ARV1: variants seen among roughly 807,000 people sequenced by gnomAD.
ARV1 encodes the protein protein ARV1.
In ARV1, 26 loss-of-function variants were observed where a neutral mutation model predicts 31.1. The observed-to-expected ratio is 0.84, with a 90% CI of 0.61 to 1.16. ARV1 has a LOEUF of 1.16. Ranked by LOEUF, ARV1 falls within the 50% of genes most tolerant of loss-of-function variation. ARV1 has a pLI of 0.00. For missense variants in ARV1, 281 were observed against 324.9 expected (o/e 0.86, Z 1.04); for synonymous variants, 117 against 123.2 (o/e 0.95, Z 0.34).
At chr1:230,987,605 G>A (rs1572338032) in intron 1 of ARV1, among the ~76,000 whole-genome samples, 2 of 152,214 alleles carry the variant, frequency 1.3e-5, no homozygotes, top group East Asian at 3.8e-4. Flanking sequence ...AGAGCCAAGG[G>A]AGCCTTGATT....
At chr1:230,990,613 G>A in intron 3 of ARV1, 1 of 329,724 alleles carries the variant, frequency 3.0e-6, no homozygotes, top group South Asian at 2.5e-5. Context: ...GGAGTGCAGT[G>A]GCACAGTCAC....
chr1:230,990,226 A>G lies in ARV1; in HGVS notation c.411A>G (p.Glu137=), dbSNP rs1273931104. ...ATGACTTGATCAGATATGCTAAGGA[A>G]TGGGATTTCTATAGAATGTTTGCGA... ...APDDLIRYAK[E]WDFYRMFAIA... Residue 137 remains glutamate, a synonymous_variant, in exon 3 of 6, where the codon GAA becomes GAG. Transcript: ENST00000310256. The G allele has an allele frequency of 6.2e-7, 1 of 1,613,022 alleles. No homozygotes were observed. The highest frequency in any genetic ancestry group is 1.1e-5 in the South Asian group (1 of 90,760).
At chr1:230,992,961 G>C (rs1360492532) in intron 3 of ARV1, among the ~76,000 whole-genome samples, 2 of 152,154 alleles carry the variant, frequency 1.3e-5, no homozygotes, top group Non-Finnish European at 2.9e-5. Context: ...ATATACAAAA[G>C]AATATGTTAA....
chr1:230,986,419 A>C (rs1455526336), intron 1 of ARV1, among the ~76,000 whole-genome samples: 1 of 152,082 alleles, frequency 6.6e-6, no homozygotes, highest in Admixed American at 6.5e-5. Context: ...TTCTTCCAGC[A>C]CTTTAATGTA....
At chr1:230,986,865 A>G (rs1679097049) in intron 1 of ARV1, among the ~76,000 whole-genome samples, 1 of 151,920 alleles carries the variant, frequency 6.6e-6, no homozygotes, top group Admixed American at 6.6e-5. Flanking sequence ...CACTTCTCAC[A>G]TACTGTGGCC....
At chr1:230,984,749 G>T (rs565647343) in intron 1 of ARV1, among the ~76,000 whole-genome samples, 1 of 152,320 alleles carries the variant, frequency 6.6e-6, no homozygotes, top group South Asian at 2.1e-4. Flanking sequence ...CAACTTAAAA[G>T]ACAAATGGTT....
chr1:230,998,717 G>A (rs1245447607), intron 5 of ARV1, among the ~76,000 whole-genome samples: 3 of 151,322 alleles, frequency 2.0e-5, no homozygotes, highest in Non-Finnish European at 4.4e-5. Flanking sequence ...ACCAGCCTGG[G>A]CAACATAGTG....
chr1:230,990,059 G>C, intron 2 of ARV1, 51 bp from the exon 3 acceptor site: 3 of 1,543,622 alleles, frequency 1.9e-6, no homozygotes, highest in Non-Finnish European at 2.6e-6. Context: ...GTTGATACTA[G>C]TGCAACTGGG....
At position 230,991,303 on chromosome 1, in the gene ARV1, T is replaced by C. The variant is rs537061931; in HGVS notation, c.448+1040T>C. On this transcript the variant is annotated intron_variant, in intron 3 of 5. Coordinates refer to ENST00000310256, the MANE Select transcript of ARV1 (RefSeq NM_022786.3). The stretch of plus-strand genomic sequence containing the variant: ...TGTGTGTCTTCTTTTGTCCTCTTTT[T>C]TTCTCTGTCTGCTCTCGCTCTCTTG... Among the ~76,000 whole-genome samples the C allele has an allele frequency of 2.0e-5, 3 of 152,318 alleles. No homozygotes were observed. The East Asian group carries it at 5.8e-4, about 29-fold the overall frequency.
Position 230,984,361 on chromosome 1 carries a change from T to TGTGTGTGTGC in ARV1, c.175-3958_175-3957insTGTGTGTGCG, listed in dbSNP as rs10628275. Among the ~76,000 whole-genome samples, 257 of 103,390 alleles carry TGTGTGTGTGC rather than the reference T, an allele frequency of 2.5e-3. 2 individuals are homozygous for TGTGTGTGTGC. Among genetic ancestry groups the TGTGTGTGTGC allele is most frequent in the South Asian group, 0.013 (41 of 3,226 alleles). The allele number at this position is 103,390 out of a possible 152,430, so 67.8% of individuals were successfully genotyped here. ...TTTGTTTCGTGTGTGTGTGTGTGTG[T>TGTGTGTGTGC]GCGTGTGTGTGTGTGTGTGTGTGTG... On this transcript the variant is annotated intron_variant, in intron 1 of 5. Transcript: ENST00000310256.
intron 1 of ARV1, among the ~76,000 whole-genome samples, chr1:230,984,365 T>TGTGTGTGTGC (rs1553303962): frequency 8.4e-5 from 6 of 71,406 alleles, no homozygotes; most frequent in East Asian, 4.8e-4. Flanking sequence ...TGTGTGTGCG[T>TGTGTGTGTGC]GTGTGTGTGT....
chr1:230,990,415 C>T (rs781188049), intron 3 of ARV1, 152 bp downstream of exon 3: 10 of 981,814 alleles, frequency 1.0e-5, no homozygotes, highest in Admixed American at 2.7e-5. Context: ...TACTAACCTA[C>T]GAGGTGAGTG....
At position 230,979,224 on chromosome 1, in the gene ARV1, A is replaced by G. The variant is rs368325339; in HGVS notation, c.119A>G (p.Glu40Gly). 1 of 1,613,642 alleles carries G rather than the reference A, an allele frequency of 6.2e-7. No homozygotes were observed. Among genetic ancestry groups the G allele is most frequent in the Non-Finnish European group, 8.5e-7 (1 of 1,179,802 alleles). ...TACAGGTGCATCGAATGCAACCAGGAGGCCAAAGAGTTGTACCGAGACTAT... is the reference window on the plus strand; with the variant it reads ...TACAGGTGCATCGAATGCAACCAGGGGGCCAAAGAGTTGTACCGAGACTAT... ...CQYRCIECNQ[E>G]AKELYRDYNH... is the part of the protein sequence containing the mutation. Residue 40 changes from glutamate to glycine, a missense_variant, in exon 1 of 6, where the codon GAG (glutamate) becomes GGG (glycine). By Grantham distance (98) the Glu-to-Gly change is moderately conservative. Coordinates refer to ENST00000310256, the MANE Select transcript of ARV1 (RefSeq NM_022786.3).
intron 3 of ARV1, among the ~76,000 whole-genome samples, chr1:230,991,703 C>T (rs1433752157): frequency 2.7e-5 from 4 of 149,764 alleles, no homozygotes; most frequent in African/African-American, 7.4e-5. Context: ...GCGGTCTTGA[C>T]TCACTGCAAC....
chr1:230,992,174 G>A (rs931946479), intron 3 of ARV1, among the ~76,000 whole-genome samples: 1 of 152,086 alleles, frequency 6.6e-6, no homozygotes, highest in Non-Finnish European at 1.5e-5. Flanking sequence ...CTTTACAGTG[G>A]GCCTTGTACT....
At chr1:230,981,087 A>T (rs1031899273) in intron 1 of ARV1, among the ~76,000 whole-genome samples, 2 of 151,892 alleles carry the variant, frequency 1.3e-5, no homozygotes, top group African/African-American at 4.8e-5. Context: ...TGCTCTTCTT[A>T]TTGTCTTCTT....
In ARV1 at chr1:230,990,082, AT is replaced by A. The variant is rs781620691; in HGVS notation, c.295-26del. Reference sequence around the variant, plus strand: ...TAGTGCAACTGGGTTTCCTTACCTAATTGAATGGCAATGTCTTTGACTATCA... The same window carrying A: ...TAGTGCAACTGGGTTTCCTTACCTAATGAATGGCAATGTCTTTGACTATCA... On this transcript the variant is annotated intron_variant, in intron 2 of 5. Transcript: ENST00000310256. 99 of 1,581,786 alleles carry A rather than the reference AT, an allele frequency of 6.3e-5. 1 individual carries two copies. Among genetic ancestry groups the A allele is most frequent in the South Asian group, 5.4e-4 (46 of 85,822 alleles).
intron 1 of ARV1, among the ~76,000 whole-genome samples, chr1:230,986,393 T>C (rs896159272): frequency 1.3e-5 from 2 of 152,198 alleles, no homozygotes; most frequent in Non-Finnish European, 2.9e-5. Flanking sequence ...TCGGTATTCT[T>C]CAGTGCCCTT....
intron 1 of ARV1, among the ~76,000 whole-genome samples, chr1:230,982,578 T>C (rs1245273419): frequency 1.3e-5 from 2 of 152,224 alleles, no homozygotes; most frequent in Non-Finnish European, 2.9e-5. Flanking sequence ...ACTTTGGAGT[T>C]ATATTTGGAA....
Sources: gnomAD v4.1 joint callset for allele counts (sites outside exome capture counted in the v4.1 genomes callset) on GRCh38, gnomAD v4.1.1 for gene constraint, MANE v1.5 for transcripts, NCBI Gene and HGNC (gene_info 2026-07-23, HGNC 2026-07-21) for gene names.